NCLN: variants seen among roughly 807,000 people sequenced by gnomAD.
NCLN encodes BOS complex subunit NCLN.
Under a neutral mutation model 69.5 loss-of-function variants are expected in NCLN, and 34 were observed. The observed-to-expected ratio is 0.49, with a 90% confidence interval of 0.37 to 0.65. The LOEUF (loss-of-function observed/expected upper bound fraction) is 0.65, where lower values mean the gene tolerates loss of function less well. Among genes scored for constraint, NCLN ranks in the 30% least tolerant of loss-of-function variants. NCLN has a pLI of 0.00. For synonymous variants in NCLN, 393 were observed against 358.3 expected, an observed-to-expected ratio of 1.10 and a Z score of -1.09; for missense variants, 710 against 804.8, an observed-to-expected ratio of 0.88 and a Z score of 1.42.
intron 2 of NCLN, 147 bp from the exon 3 acceptor site, chr19:3,193,137 A>G: frequency 1.4e-6 from 1 of 736,760 alleles, no homozygotes; most frequent in South Asian, 1.8e-5. Context: ...CCTGCCCTCC[A>G]GGGACAGTCA....
rs1270567119 is a variant in NCLN, at chr19:3,205,249, T to G, written c.1208+498T>G. Among the ~76,000 whole-genome samples, 2 of 152,316 alleles carry G rather than the reference T, an allele frequency of 1.3e-5. No homozygotes were observed. The highest frequency in any genetic ancestry group is 2.1e-4 in the South Asian group (1 of 4,830). ...GGCAGGCTTTTGTGGAGCCTGGAAC[T>G]GTCTGGCCACCCCAGGCACACTCCT... On this transcript the variant is annotated intron_variant, in intron 9 of 14. Transcript: ENST00000246117. This position sits in a 1 kb window ranked among gnomAD's most constrained non-coding sequence, Gnocchi z 4.6.
rs1224724032 is a variant in NCLN, at chr19:3,201,603, C to T, written c.777C>T (p.Tyr259=). The change falls in exon 6 of 15, where the codon TAC becomes TAT. Residue 259 remains tyrosine (Y), a synonymous_variant. Coordinates refer to ENST00000246117, the MANE Select transcript of NCLN (RefSeq NM_020170.4). The part of the protein sequence containing the change: ...LELARLFSRL[Y]TYKRTHAAYN... Reference sequence around the variant, plus strand: ...TGGCACGCCTCTTCTCCCGGCTCTACACCTACAAGCGCACGCACGCCGCGT... The same window carrying T: ...TGGCACGCCTCTTCTCCCGGCTCTATACCTACAAGCGCACGCACGCCGCGT... 7.1e-6 allele frequency: 11 copies of T among 1,558,014 alleles called. No individual in the cohort carries two copies. Among genetic ancestry groups the T allele is most frequent in the Non-Finnish European group, 8.6e-6 (10 of 1,158,918 alleles).
chr19:3,186,670 C>G (rs927148603), intron 1 of NCLN, among the ~76,000 whole-genome samples: 24 of 152,358 alleles, frequency 1.6e-4, no homozygotes, highest in Non-Finnish European at 3.2e-4. Context: ...TGGAGACCAT[C>G]TGGTTGGTCT....
At chr19:3,189,742 G>A (rs745473684) in intron 1 of NCLN, among the ~76,000 whole-genome samples, 4 of 152,258 alleles carry the variant, frequency 2.6e-5, no homozygotes, top group Non-Finnish European at 4.4e-5. Flanking sequence ...CCTGGCCCTC[G>A]AGGGAGGCTG....
Position 3,203,742 on chromosome 19 carries a change from G to T in NCLN, c.801-14G>T, listed in dbSNP as rs750679298. 3.1e-5 allele frequency: 49 copies of T among 1,605,542 alleles called. No homozygotes were observed. Among genetic ancestry groups the T allele is most frequent in the Non-Finnish European group, 3.8e-5 (45 of 1,176,490 alleles). The stretch of plus-strand genomic sequence containing the variant: ...GCTTGCCCGTCAAAGCTAACACTGG[G>T]TCTTCCCTCCCAGCTACAACCTCCT... On this transcript the variant is annotated splice_polypyrimidine_tract_variant and intron_variant, in intron 6 of 14. Coordinates refer to ENST00000246117, the MANE Select transcript of NCLN (RefSeq NM_020170.4).
intron 6 of NCLN, 113 bp downstream of exon 6, chr19:3,201,739 G>A: frequency 1.1e-6 from 1 of 891,826 alleles, no homozygotes; most frequent in East Asian, 2.8e-5. Flanking sequence ...CCCCAAAGTG[G>A]GCCTGAGCCC....
intron 1 of NCLN, among the ~76,000 whole-genome samples, chr19:3,186,896 C>T (rs760915916): frequency 1.3e-5 from 2 of 152,054 alleles, no homozygotes; most frequent in African/African-American, 4.8e-5. Flanking sequence ...GTCACCGGCC[C>T]CCACGTCAAG....
intron 6 of NCLN, 136 bp from the exon 7 acceptor site, chr19:3,203,620 G>A (rs1916182393): frequency 1.3e-6 from 1 of 746,938 alleles, no homozygotes; most frequent in Non-Finnish European, 2.2e-6. Context: ...GTCATGCCCC[G>A]CCCTAAGGGG....
At chr19:3,206,077 G>GGCCCCA in intron 10 of NCLN, 51 bp downstream of exon 10, 3 of 1,559,544 alleles carry the variant, frequency 1.9e-6, no homozygotes, top group Middle Eastern at 2.3e-4. Context: ...CCCTGCCCCC[G>GGCCCCA]GCCCCGGCCC....
chr19:3,207,460 G>A lies in NCLN; in HGVS notation c.1623G>A (p.Val541=), dbSNP rs762416364. The A allele has an allele frequency of 5.0e-6, 8 of 1,612,898 alleles. 1 individual carries two copies. The highest frequency in any genetic ancestry group is 6.8e-6 in the Non-Finnish European group (8 of 1,179,998). Residue 541 remains valine, a synonymous_variant, in exon 14 of 15, where the codon GTG becomes GTA. Coordinates refer to ENST00000246117, the MANE Select transcript of NCLN (RefSeq NM_020170.4). ...GIAAYLGMAY[V]AVQHFSLLYK... ...CTGCCTACCTCGGCATGGCCTACGT[G>A]GCTGTCCAGGTGAGCAGTGCCCAGG...
chr19:3,187,998 C>CG (rs1043764518), intron 1 of NCLN, among the ~76,000 whole-genome samples: 8 of 152,082 alleles, frequency 5.3e-5, no homozygotes, highest in African/African-American at 9.7e-5. Context: ...CCTGTGCAAC[C>CG]GGGGGGCAGG....
At chr19:3,203,900 A>C in intron 7 of NCLN, 56 bp downstream of exon 7, 1 of 1,589,728 alleles carries the variant, frequency 6.3e-7, no homozygotes, top group Admixed American at 1.8e-5. Context: ...GTGGGGAGGC[A>C]CGGAGGCCCA....
At position 3,207,631 on chromosome 19, in the gene NCLN, C is replaced by A. The variant is rs778348828; in HGVS notation, c.1635C>A (p.His545Gln). ...YLGMAYVAVQ[H>Q]FSLLYKTVQR... ...ACTCCCTCCTGCTGTGTCCCCAGCA[C>A]TTCAGCCTCCTCTACAAGACCGTCC... Residue 545 changes from histidine (H) to glutamine (Q), a missense_variant and splice_region_variant, in exon 15 of 15, where the codon CAC becomes CAA. Coordinates refer to ENST00000246117, the MANE Select transcript of NCLN (RefSeq NM_020170.4). 4.4e-5 allele frequency: 71 copies of A among 1,612,996 alleles called. 1 individual carries two copies. In the South Asian group the frequency reaches 7.6e-4, roughly 17 times the overall value.
chr19:3,186,689 A>G (rs1204506794), intron 1 of NCLN, among the ~76,000 whole-genome samples: 1 of 152,098 alleles, frequency 6.6e-6, no homozygotes, highest in Non-Finnish European at 1.5e-5. Flanking sequence ...CTCTGGATTC[A>G]CTGGGTCACG....
intron 1 of NCLN, among the ~76,000 whole-genome samples, chr19:3,188,797 C>T (rs899348735): frequency 2.2e-4 from 34 of 152,250 alleles, no homozygotes; most frequent in African/African-American, 7.2e-4. Flanking sequence ...CCTCCATGCT[C>T]CTCATCTGCG....
At chr19:3,207,340 T>A (rs312068) in intron 13 of NCLN, 51 bp from the exon 14 acceptor site, 30 of 1,611,990 alleles carry the variant, frequency 1.9e-5, no homozygotes, top group Non-Finnish European at 2.5e-5. Flanking sequence ...TAGGGGTTCA[T>A]GTTACTGCCG....
intron 6 of NCLN, among the ~76,000 whole-genome samples, chr19:3,202,476 C>T (rs575873421): frequency 7.2e-5 from 11 of 152,214 alleles, no homozygotes; most frequent in South Asian, 4.1e-4. Context: ...GTCTCCTGTG[C>T]GGGGTGGGGT....
chr19:3,207,766 G>C lies in NCLN; in HGVS notation c.*78G>C. On this transcript the variant is annotated 3_prime_UTR_variant, in exon 15 of 15. Transcript: ENST00000246117. Reference sequence around the variant, plus strand: ...AGCACGAGTGAGTGGACACTGCCCCGCCGCGGGCGGCCCTGCAGGGACAGG... The same window carrying C: ...AGCACGAGTGAGTGGACACTGCCCCCCCGCGGGCGGCCCTGCAGGGACAGG... The C allele has an allele frequency of 7.7e-7, 1 of 1,305,080 alleles. No homozygotes were observed. Among genetic ancestry groups the C allele is most frequent in the East Asian group, 2.3e-5 (1 of 42,896 alleles). 80.8% of individuals were successfully genotyped at this position (1,305,080 alleles called of 1,614,324 possible).
intron 1 of NCLN, among the ~76,000 whole-genome samples, chr19:3,187,248 C>A (rs1306561157): frequency 6.6e-6 from 1 of 152,226 alleles, no homozygotes; most frequent in Non-Finnish European, 1.5e-5. Flanking sequence ...CTAGACCATT[C>A]CACATCCCCT....
Sources: allele counts gnomAD v4.1 joint callset (sites outside exome capture counted in the v4.1 genomes callset), GRCh38; gene constraint gnomAD v4.1.1; non-coding constraint Gnocchi (gnomAD v3.1); transcripts MANE v1.5; gene names NCBI Gene and HGNC (gene_info 2026-07-23, HGNC 2026-07-21).